Variants in PDPR observed in about 807,000 individuals in gnomAD.
The protein encoded by PDPR is pyruvate dehydrogenase phosphatase regulatory subunit.
A neutral mutation model predicts 102.2 loss-of-function variants in PDPR; 50 were observed. The observed-to-expected ratio is 0.49, with a 90% CI of 0.39 to 0.62. PDPR has a LOEUF of 0.62. Among genes scored for constraint, PDPR ranks in the 20% least tolerant of loss-of-function variants. The pLI is 0.00. For missense variants in PDPR, 625 were observed against 1,098.2 expected (o/e 0.57, Z 6.09); for synonymous variants, 259 against 406.0 (o/e 0.64, Z 4.35).
intron 3 of PDPR, among the ~76,000 whole-genome samples, chr16:70,123,005 A>ATTC (rs1963506928): frequency 6.6e-6 from 1 of 151,974 alleles, no homozygotes. Flanking sequence ...GATTCCAGTG[A>ATTC]TTCTCCTGCC....
At chr16:70,154,165 A>C (rs988914815) in intron 18 of PDPR, among the ~76,000 whole-genome samples, 6 of 152,174 alleles carry the variant, frequency 3.9e-5, no homozygotes, top group Non-Finnish European at 8.8e-5. Context: ...CAAAAAAAAA[A>C]AAATTTACAA....
intron 2 of PDPR, among the ~76,000 whole-genome samples, chr16:70,119,971 C>T (rs1345374134): frequency 3.3e-5 from 5 of 150,790 alleles, no homozygotes; most frequent in African/African-American, 4.9e-5. Flanking sequence ...GGCTGGAGTG[C>T]GGTGGCGCGA....
chr16:70,123,114 C>G (rs1277551218), intron 3 of PDPR, among the ~76,000 whole-genome samples: 3 of 152,144 alleles, frequency 2.0e-5, no homozygotes, highest in Non-Finnish European at 4.4e-5. Context: ...GTTGGCCAGG[C>G]AGGTCTTGAA....
At chr16:70,155,044 T>C (rs1205487237) in intron 18 of PDPR, among the ~76,000 whole-genome samples, 1 of 152,164 alleles carries the variant, frequency 6.6e-6, no homozygotes, top group Non-Finnish European at 1.5e-5. Context: ...ATATAAAAAT[T>C]AGCTGGGCAT....
rs951954977 is a variant in PDPR, at chr16:70,158,136, T to C, written c.*1257T>C. 1 of 152,808 alleles carries C rather than the reference T, an allele frequency of 6.5e-6. No homozygotes were observed. Among genetic ancestry groups the C allele is most frequent in the East Asian group, 1.9e-4 (1 of 5,202 alleles). The allele number at this position is 152,808 out of a possible 1,614,324, so 9.5% of individuals were successfully genotyped here. On this transcript the variant is annotated 3_prime_UTR_variant, in exon 19 of 19. Coordinates refer to ENST00000288050, the MANE Select transcript of PDPR (RefSeq NM_017990.5). ...CCTCCACCCACCCTTCCATATCCTC[T>C]GGAGCAGGAGACAATGTGGGTGCCC...
chr16:70,137,153 C>G (rs919383715), intron 10 of PDPR, among the ~76,000 whole-genome samples: 1 of 152,200 alleles, frequency 6.6e-6, no homozygotes, highest in Non-Finnish European at 1.5e-5. Flanking sequence ...GAGATCGAGA[C>G]CACTCTGGCT....
rs1967302265 is a variant in PDPR, at chr16:70,157,111, A to AC, written c.*236dup. Reference sequence around the variant, plus strand: ...CACTCTGGGCTCTTCTTCCCTTCCCACCCCTCACTCAGCTTCTCGTGGTGG... The same window carrying AC: ...CACTCTGGGCTCTTCTTCCCTTCCCACCCCCTCACTCAGCTTCTCGTGGTGG... On this transcript the variant is annotated 3_prime_UTR_variant, in exon 19 of 19. Coordinates refer to ENST00000288050, the MANE Select transcript of PDPR (RefSeq NM_017990.5). The AC allele has an allele frequency of 1.4e-6, 1 of 714,610 alleles. No homozygotes were observed. The highest frequency in any genetic ancestry group is 1.5e-5 in the South Asian group (1 of 66,928). The allele number at this position is 714,610 out of a possible 1,614,324, so 44.3% of individuals were successfully genotyped here.
chr16:70,140,292 G>GATGGT (rs1323262654), intron 11 of PDPR, among the ~76,000 whole-genome samples: 1 of 152,268 alleles, frequency 6.6e-6, no homozygotes, highest in African/African-American at 2.4e-5. Flanking sequence ...AGTGAGCCAT[G>GATGGT]ATGGTGCCAC....
chr16:70,155,732 A>T (rs555746868), intron 18 of PDPR, among the ~76,000 whole-genome samples: 1 of 152,022 alleles, frequency 6.6e-6, no homozygotes, highest in Non-Finnish European at 1.5e-5. Flanking sequence ...TTTGTTGTAC[A>T]TATGTGTATA....
At chr16:70,123,491 A>G (rs1183429786) in intron 3 of PDPR, among the ~76,000 whole-genome samples, 8 of 152,098 alleles carry the variant, frequency 5.3e-5, no homozygotes, top group Admixed American at 2.6e-4. Context: ...GCCCACCTCA[A>G]CCTCCCAAAG....
chr16:70,138,038 CTTTTTTTTTTT>C (rs200071207), intron 10 of PDPR, among the ~76,000 whole-genome samples: 10,350 of 118,556 alleles, frequency 0.087, 71 homozygotes, highest in South Asian at 0.12. Context: ...ATACCCAGCT[CTTTTTTTTTTT>C]TTTTTTTTTG....
rs1171055247 is a variant in PDPR, at chr16:70,156,973, T to C, written c.*94T>C. On this transcript the variant is annotated 3_prime_UTR_variant, in exon 19 of 19. Coordinates refer to ENST00000288050, the MANE Select transcript of PDPR (RefSeq NM_017990.5). ...CTTCCTTCCGCCTCTGTTCCTCTTCTGGAGCCTTTGCCTCCCATCTCTTAT... is the reference window on the plus strand; with the variant it reads ...CTTCCTTCCGCCTCTGTTCCTCTTCCGGAGCCTTTGCCTCCCATCTCTTAT... The C allele has an allele frequency of 1.3e-5, 20 of 1,505,904 alleles. No homozygotes were observed. The highest frequency in any genetic ancestry group is 1.7e-5 in the Non-Finnish European group (19 of 1,104,552). The allele number at this position is 1,505,904 out of a possible 1,614,324, so 93.3% of individuals were successfully genotyped here. A position where few individuals can be genotyped will look rare whatever the true frequency, so the allele number is the denominator to read the frequency against.
Position 70,156,698 on chromosome 16 carries a change from T to C in PDPR, c.2459T>C (p.Phe820Ser), listed in dbSNP as rs1406446497. Residue 820 changes from phenylalanine (F) to serine (S), a missense_variant, in exon 19 of 19, where the codon TTT becomes TCT. Around this residue, in one of 11 missense-constraint regions of PDPR, gnomAD observed 303 missense variants for 258.9 expected, o/e 1.17. Transcript: ENST00000288050. The stretch of plus-strand genomic sequence containing the variant: ...GTTTGCCTGGGCTTTGTGCACAATT[T>C]TTCTGAGGACACGGGGGAAGAGCAA... The part of the protein sequence containing the change: ...RHVCLGFVHN[F>S]SEDTGEEQVV... 6.2e-7 allele frequency: 1 copy of C among 1,613,972 alleles called. No individual in the cohort carries two copies. The highest frequency in any genetic ancestry group is 2.2e-5 in the East Asian group (1 of 44,900).
In PDPR at chr16:70,132,272, G is replaced by A. The variant is rs779140784; in HGVS notation, c.969G>A (p.Gln323=). ...FTEGKNQLEI[Q]NLQEDWDHFE... is the part of the protein sequence containing the mutation. ...AGGGCAAGAACCAGCTGGAGATTCA[G>A]AATCTACAGGAAGACTGGGATCACT... The change falls in exon 9 of 19, where the codon CAG becomes CAA. Residue 323 remains glutamine (Q), a synonymous_variant. Coordinates refer to ENST00000288050, the MANE Select transcript of PDPR (RefSeq NM_017990.5). The A allele has an allele frequency of 2.5e-6, 4 of 1,613,990 alleles. No homozygotes were observed. In the South Asian group the frequency reaches 3.3e-5, roughly 13 times the overall value.
chr16:70,119,910 TTG>T lies in PDPR; in HGVS notation c.-32-549_-32-548del, dbSNP rs771918016. ...AAATATTTCTTTTTTTGTTTTTTTT[TTG>T]TTTGTTTGTTTGTTTTTTTTTTGAG... On this transcript the variant is annotated intron_variant, in intron 2 of 18. Coordinates refer to ENST00000288050, the MANE Select transcript of PDPR (RefSeq NM_017990.5). Among the ~76,000 whole-genome samples, 38 of 116,522 alleles carry T rather than the reference TTG, an allele frequency of 3.3e-4. 2 individuals carry two copies. Among genetic ancestry groups the T allele is most frequent in the African/African-American group, 1.2e-3 (28 of 22,510 alleles). 76.4% of individuals were successfully genotyped at this position (116,522 alleles called of 152,430 possible).
intron 13 of PDPR, among the ~76,000 whole-genome samples, chr16:70,143,297 T>G (rs534869271): frequency 6.6e-6 from 1 of 152,414 alleles, no homozygotes; most frequent in Non-Finnish European, 1.5e-5. Context: ...GCTCCTTGTT[T>G]CAGGTTTTTA....
At chr16:70,138,279 C>T (rs1286717877) in intron 10 of PDPR, among the ~76,000 whole-genome samples, 9 of 137,770 alleles carry the variant, frequency 6.5e-5, no homozygotes, top group East Asian at 2.1e-4. Context: ...AGTGCAATGG[C>T]GTGATCTAGG....
chr16:70,130,992 T>C (rs1259461818), intron 7 of PDPR, among the ~76,000 whole-genome samples: 5 of 152,284 alleles, frequency 3.3e-5, no homozygotes, highest in Non-Finnish European at 7.3e-5. Context: ...TGAAGTTCAT[T>C]TAGTGATTGC....
chr16:70,139,167 G>A (rs1965466923), intron 11 of PDPR, 144 bp downstream of exon 11: 4 of 1,385,478 alleles, frequency 2.9e-6, no homozygotes, highest in East Asian at 5.3e-5. Context: ...TCAGGCCTGA[G>A]TTAAGGGGCT....
Sources: allele counts gnomAD v4.1 joint callset (sites outside exome capture counted in the v4.1 genomes callset), GRCh38; gene constraint gnomAD v4.1.1; regional missense constraint gnomAD v4.1.1; transcripts MANE v1.5; gene names NCBI Gene and HGNC (gene_info 2026-07-23, HGNC 2026-07-21).